The following SLC24A2 variants were observed in gnomAD, a reference collection of about 807,000 sequenced individuals.
SLC24A2 encodes sodium/potassium/calcium exchanger 2.
In SLC24A2, 36 loss-of-function variants were observed where a neutral mutation model predicts 62.0. The observed-to-expected ratio is 0.58, with a 90% CI of 0.44 to 0.77. SLC24A2 has a LOEUF of 0.77. Among genes scored for constraint, SLC24A2 ranks in the 30% least tolerant of loss-of-function variants. The pLI is 0.00. For synonymous variants in SLC24A2, 358 were observed against 294.0 expected, an observed-to-expected ratio of 1.22 and a Z score of -2.23; for missense variants, 846 against 817.9, an observed-to-expected ratio of 1.03 and a Z score of -0.42.
intron 7 of SLC24A2, among the ~76,000 whole-genome samples, chr9:19,563,696 CCCTTACTT>C: frequency 7.1e-6 from 1 of 141,826 alleles, no homozygotes; most frequent in Admixed American, 6.8e-5. Context: ...CTCCCTCCCT[CCCTTACTT>C]CCTTTTCCAA....
the SLC24A2 span, among the ~76,000 whole-genome samples, chr9:20,099,294 A>G: frequency 6.6e-6 from 1 of 152,216 alleles, no homozygotes; most frequent in African/African-American, 2.4e-5. Context: ...ATCCCTTGCC[A>G]TTTGACGATT....
At chr9:19,571,085 G>A (rs748744779) in intron 7 of SLC24A2, among the ~76,000 whole-genome samples, 6 of 152,142 alleles carry the variant, frequency 3.9e-5, no homozygotes, top group Non-Finnish European at 8.8e-5. Context: ...AGATGGAGAG[G>A]CATGGGGATG....
At chr9:20,093,306 A>G in the SLC24A2 span, among the ~76,000 whole-genome samples, 1 of 152,024 alleles carries the variant, frequency 6.6e-6, no homozygotes, top group East Asian at 1.9e-4. Flanking sequence ...TCCTGACCTC[A>G]GATGATCCAC....
chr9:19,780,999 A>G (rs1389137664), intron 2 of SLC24A2, among the ~76,000 whole-genome samples: 1 of 152,180 alleles, frequency 6.6e-6, no homozygotes, highest in African/African-American at 2.4e-5. Flanking sequence ...CAAAATAAAT[A>G]GAAAGTATAC....
At chr9:19,721,853 G>A (rs897113634) in intron 2 of SLC24A2, among the ~76,000 whole-genome samples, 3 of 151,888 alleles carry the variant, frequency 2.0e-5, no homozygotes, top group South Asian at 2.1e-4. Context: ...TAGAGAAAAC[G>A]TTGTCATTAT....
intron 2 of SLC24A2, among the ~76,000 whole-genome samples, chr9:19,687,587 C>T (rs551630818): frequency 1.7e-4 from 26 of 152,070 alleles, no homozygotes; most frequent in Non-Finnish European, 2.4e-4. Context: ...TGTTCCACGC[C>T]GTGTTTCTCA....
chr9:19,528,115 G>A lies in SLC24A2; in HGVS notation c.1503C>T (p.Ile501=). 2.5e-6 allele frequency: 4 copies of A among 1,594,470 alleles called. No individual in the cohort carries two copies. Among genetic ancestry groups the A allele is most frequent in the Non-Finnish European group, 3.4e-6 (4 of 1,169,468 alleles). The change falls in exon 9 of 11, where the codon ATC becomes ATT. Residue 501 remains isoleucine, a synonymous_variant. Coordinates refer to ENST00000341998, the MANE Select transcript of SLC24A2 (RefSeq NM_020344.4). The part of the protein sequence containing the change: ...RKPSSRKFFP[I]TFFGSITWIA... The stretch of plus-strand genomic sequence containing the variant: ...TCCAGGTAATGGAGCCAAAGAACGT[G>A]ATGGGAAAAAACTTCCTCGATGACT...
intron 2 of SLC24A2, among the ~76,000 whole-genome samples, chr9:19,662,754 C>G (rs1021140216): frequency 6.6e-6 from 1 of 152,178 alleles, no homozygotes; most frequent in East Asian, 1.9e-4. Context: ...AGCACCCTGT[C>G]CCCTACCACC....
At chr9:19,920,795 A>G in the SLC24A2 span, among the ~76,000 whole-genome samples, 6 of 152,292 alleles carry the variant, frequency 3.9e-5, no homozygotes, top group East Asian at 9.7e-4. Flanking sequence ...GACCTATACA[A>G]CCTACATGAC....
At chr9:20,216,824 A>G in the SLC24A2 span, among the ~76,000 whole-genome samples, 3 of 152,156 alleles carry the variant, frequency 2.0e-5, no homozygotes, top group Non-Finnish European at 4.4e-5. Context: ...AGTGTGCCTT[A>G]GTTGAGATTA....
chr9:19,848,242 T>C, the SLC24A2 span, among the ~76,000 whole-genome samples: 1 of 152,310 alleles, frequency 6.6e-6, no homozygotes, highest in African/African-American at 2.4e-5. Context: ...TGTTTTTTAA[T>C]TTTTACCAAC....
intron 9 of SLC24A2, among the ~76,000 whole-genome samples, chr9:19,524,137 C>CAAAA (rs57173482): frequency 5.4e-4 from 46 of 84,696 alleles, no homozygotes; most frequent in South Asian, 1.1e-3. Context: ...ACTTCATTTT[C>CAAAA]AAAAAAAAAA....
intron 2 of SLC24A2, among the ~76,000 whole-genome samples, chr9:19,767,269 C>G (rs1404646353): frequency 6.6e-6 from 1 of 152,164 alleles, no homozygotes; most frequent in Non-Finnish European, 1.5e-5. Context: ...CCACTTGGCT[C>G]CCTGGCTTCA....
the SLC24A2 span, among the ~76,000 whole-genome samples, chr9:19,906,099 T>G: frequency 6.6e-6 from 1 of 152,170 alleles, no homozygotes; most frequent in Admixed American, 6.5e-5. Flanking sequence ...TCAGCAAATG[T>G]AAAAGAACTG....
chr9:19,589,922 C>A (rs1836499726), intron 5 of SLC24A2, among the ~76,000 whole-genome samples: 1 of 152,134 alleles, frequency 6.6e-6, no homozygotes, highest in Non-Finnish European at 1.5e-5. Context: ...GCTTCCCTGG[C>A]TTCTCTAGAC....
chr9:20,050,490 T>A, the SLC24A2 span, among the ~76,000 whole-genome samples: 3 of 152,160 alleles, frequency 2.0e-5, no homozygotes, highest in African/African-American at 7.2e-5. Context: ...GAATCTATGA[T>A]GTCTTTCAAT....
chr9:20,105,748 A>G, the SLC24A2 span, among the ~76,000 whole-genome samples: 7 of 152,182 alleles, frequency 4.6e-5, no homozygotes, highest in African/African-American at 1.7e-4. Context: ...AGAAAGCAGG[A>G]AAGATCCAAA....
At chr9:20,112,142 T>C in the SLC24A2 span, among the ~76,000 whole-genome samples, 1 of 152,314 alleles carries the variant, frequency 6.6e-6, no homozygotes, top group South Asian at 2.1e-4. Flanking sequence ...GCTATTCATA[T>C]TGATTTTTCT....
chr9:19,713,256 T>C (rs1484821169), intron 2 of SLC24A2, among the ~76,000 whole-genome samples: 2 of 152,112 alleles, frequency 1.3e-5, no homozygotes, highest in Non-Finnish European at 1.5e-5. Flanking sequence ...GCGCCATTTG[T>C]AAAGTCAAAA....
Sources: allele counts gnomAD v4.1 joint callset (sites outside exome capture counted in the v4.1 genomes callset), GRCh38; gene constraint gnomAD v4.1.1; transcripts MANE v1.5; gene names NCBI Gene and HGNC (gene_info 2026-07-23, HGNC 2026-07-21).